Variants in OR52J3 observed in about 807,000 individuals in gnomAD.
OR52J3 encodes olfactory receptor 52J3.
For synonymous variants in OR52J3, 159 were observed against 142.9 expected, an observed-to-expected ratio of 1.11 and a Z score of -0.80; for missense variants, 450 against 392.3, an observed-to-expected ratio of 1.15 and a Z score of -1.24.
rs1319390932 is a variant in OR52J3, at chr11:5,047,386, T to A, written c.861T>A (p.Ser287=). 6.2e-7 allele frequency: 1 copy of A among 1,611,694 alleles called. No individual in the cohort carries two copies. The highest frequency in any genetic ancestry group is 8.5e-7 in the Non-Finnish European group (1 of 1,179,778). Residue 287 remains serine, a synonymous_variant, in exon 1 of 1, where the codon TCT becomes TCA. Transcript: ENST00000380370. ...VANLYLIIPP[S]LNPIIYGVRT... ...ATCTCTATTTGATTATCCCACCCTC[T>A]CTCAACCCCATCATTTATGGGGTGA...
chr11:5,046,631 G>T lies in OR52J3; in HGVS notation c.106G>T (p.Val36Phe), dbSNP rs1240065394. Reference protein sequence around the residue: ...HMWISGPFCSVYLVALLGNAT... With the variant: ...HMWISGPFCSFYLVALLGNAT... Reference sequence around the variant, plus strand: ...GTGGATCTCCGGGCCTTTCTGCTCTGTTTACCTTGTGGCTTTGCTGGGCAA... The same window carrying T: ...GTGGATCTCCGGGCCTTTCTGCTCTTTTTACCTTGTGGCTTTGCTGGGCAA... Residue 36 changes from valine (V) to phenylalanine (F), a missense_variant, in exon 1 of 1, where the codon GTT becomes TTT. Physicochemically the swap from Val to Phe is conservative, Grantham distance 50. Transcript: ENST00000380370. 5.0e-6 allele frequency: 8 copies of T among 1,613,740 alleles called. No homozygotes were observed. Among genetic ancestry groups the T allele is most frequent in the African/African-American group, 1.3e-5 (1 of 74,822 alleles).
At position 5,046,896 on chromosome 11, in the gene OR52J3, G is replaced by T. The variant is rs773294377; in HGVS notation, c.371G>T (p.Arg124Leu). The change falls in exon 1 of 1, where the codon CGT (arginine) becomes CTT (leucine). Residue 124 changes from arginine (R) to leucine (L), a missense_variant. Arg to Leu is a moderately radical substitution (Grantham distance 102). Transcript: ENST00000380370. ...GTCTTACTGGCTATGGCTTTTGACC[G>T]TTATGTGGCCGTCTGTGCTCCACTA... ...AEVLLAMAFD[R>L]YVAVCAPLHY... 1.8e-5 allele frequency: 29 copies of T among 1,613,706 alleles called. No individual in the cohort carries two copies. The highest frequency in any genetic ancestry group is 2.2e-5 in the East Asian group (1 of 44,832).
In OR52J3 at chr11:5,046,714, C is replaced by A; in HGVS notation, c.189C>A (p.Tyr63Ter). The change falls in exon 1 of 1, where the codon TAC (tyrosine) becomes TAA (stop). Residue 63 changes from tyrosine to a stop codon, truncating the protein, a stop_gained. Transcript: ENST00000380370. LOFTEE classifies it low-confidence loss of function (END_TRUNC). ...AGACTCTCCGGGAGCCCATGTTCTA[C>A]TTCCTGGCCATTCTTTCCACTATTG... is the stretch of plus-strand genomic sequence containing the variant. ...VEQTLREPMF[Y>*]FLAILSTIDL... The A allele has an allele frequency of 6.2e-7, 1 of 1,614,014 alleles. No individual in the cohort carries two copies. Among genetic ancestry groups the A allele is most frequent in the South Asian group, 1.1e-5 (1 of 91,084 alleles).
rs901712029 is a variant in OR52J3 at position 5,047,269 on chromosome 11, C to A, written c.744C>A (p.Val248=). 1.2e-6 allele frequency: 2 copies of A among 1,612,712 alleles called. No individual in the cohort carries two copies. Among genetic ancestry groups the A allele is most frequent in the Non-Finnish European group, 1.7e-6 (2 of 1,179,766 alleles). Residue 248 remains valine (V), a synonymous_variant, in exon 1 of 1, where the codon GTC becomes GTA. Transcript: ENST00000380370. ...ALSTCGAHVG[V]ICVFYIPSVF... ...GCACGTGTGGCGCTCATGTTGGAGTCATCTGTGTTTTCTATATCCCTTCAG... is the reference window on the plus strand; with the variant it reads ...GCACGTGTGGCGCTCATGTTGGAGTAATCTGTGTTTTCTATATCCCTTCAG...
Position 5,046,955 on chromosome 11 carries a change from G to C in OR52J3, c.430G>C (p.Val144Leu). 1 of 1,613,676 alleles carries C rather than the reference G, an allele frequency of 6.2e-7. No individual in the cohort carries two copies. Among genetic ancestry groups the C allele is most frequent in the South Asian group, 1.1e-5 (1 of 91,062 alleles). ...YATILTSQVL[V>L]GISMCIVIRP... ...AACCATCTTGACATCCCAAGTGTTG[G>C]TGGGCATTAGCATGTGCATTGTAAT... Residue 144 changes from valine (V) to leucine (L), a missense_variant, in exon 1 of 1, where the codon GTG (valine) becomes CTG (leucine). By Grantham distance (32) the Val-to-Leu change is conservative (BLOSUM62 1). Coordinates refer to ENST00000380370, the MANE Select transcript of OR52J3 (RefSeq NM_001001916.2).
chr11:5,047,254 C>T lies in OR52J3; in HGVS notation c.729C>T (p.Gly243=), dbSNP rs754463239. Residue 243 remains glycine, a synonymous_variant, in exon 1 of 1, where the codon GGC becomes GGT. Coordinates refer to ENST00000380370, the MANE Select transcript of OR52J3 (RefSeq NM_001001916.2). ...AGCTAAAAGCCCTAAGCACGTGTGG[C>T]GCTCATGTTGGAGTCATCTGTGTTT... ...DAQLKALSTC[G]AHVGVICVFY... is the part of the protein sequence containing the mutation. The T allele has an allele frequency of 3.3e-5, 53 of 1,612,490 alleles. No individual in the cohort carries two copies. Among genetic ancestry groups the T allele is most frequent in the East Asian group, 1.8e-4 (8 of 44,828 alleles).
rs747565880 is a variant in OR52J3 at position 5,046,629 on chromosome 11, CTGTTTACCT to C, written c.108_116del (p.Tyr37_Val39del). The stretch of plus-strand genomic sequence containing the variant: ...ATGTGGATCTCCGGGCCTTTCTGCT[CTGTTTACCT>C]TGTGGCTTTGCTGGGCAATGCCACC... On this transcript the variant is annotated inframe_deletion, in exon 1 of 1. Coordinates refer to ENST00000380370, the MANE Select transcript of OR52J3 (RefSeq NM_001001916.2). 6.2e-6 allele frequency: 10 copies of C among 1,613,892 alleles called. No individual in the cohort carries two copies. In the African/African-American group the frequency reaches 8.0e-5, roughly 13 times the overall value.
rs761429477 is a variant in OR52J3, at chr11:5,046,533, A to C, written c.8A>C (p.Tyr3Ser). 1 of 1,611,778 alleles carries C rather than the reference A, an allele frequency of 6.2e-7. No homozygotes were observed. The highest frequency in any genetic ancestry group is 8.5e-7 in the Non-Finnish European group (1 of 1,178,828). The change falls in exon 1 of 1, where the codon TAT (tyrosine) becomes TCT (serine). Residue 3 changes from tyrosine (Y) to serine (S), a missense_variant. Tyr to Ser is a moderately radical substitution (Grantham distance 144). Transcript: ENST00000380370. Reference protein sequence around the residue: MFYHNKSIFHPVT... With the variant: MFSHNKSIFHPVT... ...ACACTGTGATTTGGAAAAATGTTTT[A>C]TCACAACAAGAGCATATTTCACCCA...
Sources: gnomAD v4.1 joint callset for allele counts on GRCh38, gnomAD v4.1.1 for gene constraint, MANE v1.5 for transcripts, NCBI Gene and HGNC (gene_info 2026-07-23, HGNC 2026-07-21) for gene names.